Variants in ERGIC1 observed in about 807,000 individuals in gnomAD.
The protein encoded by ERGIC1 is endoplasmic reticulum-Golgi intermediate compartment protein 1.
ERGIC1 carries 19 observed loss-of-function variants against 38.3 expected under a neutral mutation model. The ratio of observed to expected loss-of-function variants is 0.50; its 90% confidence interval spans 0.35 to 0.73. The LOEUF is 0.73. Among genes scored for constraint, ERGIC1 ranks in the 30% least tolerant of loss-of-function variants. The pLI, the probability that ERGIC1 is intolerant of heterozygous loss-of-function variation, is 0.01. For synonymous variants in ERGIC1, 124 were observed against 157.6 expected, an observed-to-expected ratio of 0.79 and a Z score of 1.60; for missense variants, 294 against 389.2, an observed-to-expected ratio of 0.76 and a Z score of 2.06.
intron 4 of ERGIC1, among the ~76,000 whole-genome samples, chr5:172,913,977 G>A (rs1763275054): frequency 6.6e-6 from 1 of 152,166 alleles, no homozygotes; most frequent in South Asian, 2.1e-4. Flanking sequence ...GCCTACACTT[G>A]TAATCCCAGC....
chr5:172,913,544 G>A (rs542980888), intron 4 of ERGIC1, among the ~76,000 whole-genome samples: 7 of 152,270 alleles, frequency 4.6e-5, no homozygotes, highest in South Asian at 2.1e-4. Flanking sequence ...TGTCCTCATC[G>A]AGGAACACAG....
chr5:172,902,286 G>A (rs923812361), intron 3 of ERGIC1, among the ~76,000 whole-genome samples: 3 of 152,150 alleles, frequency 2.0e-5, no homozygotes, highest in Non-Finnish European at 2.9e-5. Context: ...CAGGCTCCCC[G>A]TAGGAGGCCC....
chr5:172,912,076 C>CTT (rs565096601), intron 4 of ERGIC1, among the ~76,000 whole-genome samples: 5 of 132,800 alleles, frequency 3.8e-5, no homozygotes, highest in Admixed American at 7.5e-5. Flanking sequence ...TCTGGAGTTT[C>CTT]TTTTTTTTTT....
At chr5:172,884,989 T>C (rs1210586760) in intron 1 of ERGIC1, among the ~76,000 whole-genome samples, 2 of 152,154 alleles carry the variant, frequency 1.3e-5, no homozygotes. Flanking sequence ...TCTCTGTATG[T>C]AACAATCTCC....
chr5:172,874,227 C>T (rs1034635988), intron 1 of ERGIC1, among the ~76,000 whole-genome samples: 1 of 152,032 alleles, frequency 6.6e-6, no homozygotes, highest in Non-Finnish European at 1.5e-5. Context: ...TACAGGCACA[C>T]GCCACCACGC....
intron 4 of ERGIC1, among the ~76,000 whole-genome samples, chr5:172,911,068 C>T (rs1261802022): frequency 1.3e-5 from 2 of 152,222 alleles, no homozygotes; most frequent in Admixed American, 6.5e-5. Context: ...GGGTTCCAGC[C>T]GTCCCTCTGC....
chr5:172,855,198 G>A (rs542007291), intron 1 of ERGIC1, among the ~76,000 whole-genome samples: 5 of 152,262 alleles, frequency 3.3e-5, no homozygotes, highest in African/African-American at 7.2e-5. Context: ...ACACACTGCC[G>A]GGTGGGAACA....
chr5:172,939,514 C>T (rs966950339), intron 9 of ERGIC1, among the ~76,000 whole-genome samples: 6 of 152,242 alleles, frequency 3.9e-5, no homozygotes. Flanking sequence ...CAAGAAGCCA[C>T]GGGGAAGACC....
intron 1 of ERGIC1, among the ~76,000 whole-genome samples, chr5:172,879,837 T>TG (rs1346347983): frequency 6.6e-6 from 1 of 152,118 alleles, no homozygotes; most frequent in East Asian, 1.9e-4. Flanking sequence ...TTCTTTGTCG[T>TG]GGGGGGACCT....
intron 1 of ERGIC1, among the ~76,000 whole-genome samples, chr5:172,845,204 T>C (rs792969): frequency 0.73 from 111,153 of 152,010 alleles, 41,155 homozygotes; most frequent in Non-Finnish European, 0.8. Context: ...GTGGATACCC[T>C]CCATCTACTC....
chr5:172,875,487 A>T (rs1762121935), intron 1 of ERGIC1, among the ~76,000 whole-genome samples: 1 of 152,046 alleles, frequency 6.6e-6, no homozygotes, highest in African/African-American at 2.4e-5. Context: ...GCTTATTATC[A>T]TCAGTCAGAG....
At chr5:172,912,462 A>G (rs891362999) in intron 4 of ERGIC1, among the ~76,000 whole-genome samples, 2 of 152,206 alleles carry the variant, frequency 1.3e-5, no homozygotes, top group African/African-American at 4.8e-5. Flanking sequence ...ATCTTAGCTC[A>G]CTGCAACCTC....
chr5:172,903,968 T>TACAC (rs70984919), intron 3 of ERGIC1, among the ~76,000 whole-genome samples: 60,591 of 150,280 alleles, frequency 0.4, 12,308 homozygotes, highest in Non-Finnish European at 0.42. Context: ...GTCTCACACA[T>TACAC]ACACACACAC....
chr5:172,915,020 C>T lies in ERGIC1; in HGVS notation c.375+182C>T, dbSNP rs116039022. On this transcript the variant is annotated intron_variant, in intron 5 of 9. Transcript: ENST00000393784. ...AGAATCTGGATGGGGGTCCAGGCTC[C>T]CTGGGGTTTTAAGCCCCTGATGGCT... 4.6e-4 allele frequency: 450 copies of T among 976,300 alleles called. 3 individuals carry two copies. In the African/African-American group the frequency reaches 6.1e-3, roughly 13 times the overall value. The allele number at this position is 976,300 out of a possible 1,614,324, so 60.5% of individuals were successfully genotyped here.
chr5:172,935,770 T>C (rs1417275505), intron 9 of ERGIC1: 2 of 167,140 alleles, frequency 1.2e-5, no homozygotes, highest in African/African-American at 4.8e-5. Context: ...TGTTCTCTCT[T>C]TTTTGCCATG....
chr5:172,860,616 T>C (rs1340852400), intron 1 of ERGIC1, among the ~76,000 whole-genome samples: 1 of 152,186 alleles, frequency 6.6e-6, no homozygotes, highest in East Asian at 1.9e-4. Context: ...AACAGACTTC[T>C]CTGAGGCTTT....
intron 2 of ERGIC1, among the ~76,000 whole-genome samples, chr5:172,892,070 T>TGTTTTGTTTTG (rs796309995): frequency 1.1e-4 from 17 of 147,840 alleles, no homozygotes; most frequent in South Asian, 2.2e-4. Context: ...ATGTTTTTTT[T>TGTTTTGTTTTG]TTTTTTTTTT....
chr5:172,861,925 C>T (rs1268716764), intron 1 of ERGIC1, among the ~76,000 whole-genome samples: 2 of 152,144 alleles, frequency 1.3e-5, no homozygotes, highest in African/African-American at 2.4e-5. Context: ...CTCAAGGCCT[C>T]GCTTTGTCCA....
chr5:172,877,966 T>C (rs1762189330), intron 1 of ERGIC1, among the ~76,000 whole-genome samples: 1 of 152,122 alleles, frequency 6.6e-6, no homozygotes. Context: ...CTGTGGAGAC[T>C]GGGGAGCTGC....
Sources: allele counts gnomAD v4.1 joint callset (sites outside exome capture counted in the v4.1 genomes callset), GRCh38; gene constraint gnomAD v4.1.1; transcripts MANE v1.5; gene names NCBI Gene and HGNC (gene_info 2026-07-23, HGNC 2026-07-21).